SPATA13: variants seen among roughly 807,000 people sequenced by gnomAD.
The protein encoded by SPATA13 is spermatogenesis-associated protein 13.
SPATA13 carries 50 observed loss-of-function variants against 104.0 expected under a neutral mutation model. The observed-to-expected ratio is 0.48, with a 90% CI of 0.38 to 0.61. The LOEUF (loss-of-function observed/expected upper bound fraction) is 0.61, where lower values mean the gene tolerates loss of function less well. Ranked by LOEUF, SPATA13 falls within the 20% of genes least tolerant of loss-of-function variation. The probability of loss-of-function intolerance (pLI) is 0.00; values close to 1 mark genes in which losing one functional copy is unlikely to be tolerated. For synonymous variants in SPATA13, 606 were observed against 667.5 expected (o/e 0.91, Z 1.42); for missense variants, 1,524 against 1,690.6 (o/e 0.90, Z 1.73).
chr13:24,228,839 A>G (rs193129413), intron 2 of SPATA13, among the ~76,000 whole-genome samples: 16 of 152,366 alleles, frequency 1.1e-4, no homozygotes. Context: ...ATTATAATGT[A>G]CTTTCAATAG....
intron 3 of SPATA13, among the ~76,000 whole-genome samples, chr13:24,092,840 G>A (rs1879951885): frequency 6.6e-6 from 1 of 152,202 alleles, no homozygotes; most frequent in South Asian, 2.1e-4. Context: ...ACTCCACTGT[G>A]TGGACTTACT....
Position 24,284,154 on chromosome 13 carries a change from T to C in SPATA13, c.2184T>C (p.Thr728=). The change falls in exon 5 of 13, where the codon ACT becomes ACC. Residue 728 remains threonine (T), a synonymous_variant. Transcript: ENST00000382108. ...TTTTAGTTTCTTCAGATGGAGGTAC[T>C]GAGCCCTCTGCCTTAGTGGATGACA... ...RASNVSSDGG[T]EPSALVDDNG... 1 of 1,613,584 alleles carries C rather than the reference T, an allele frequency of 6.2e-7. No individual in the cohort carries two copies. The highest frequency in any genetic ancestry group is 1.1e-5 in the South Asian group (1 of 91,046).
chr13:23,999,684 C>A (rs1348704542), intron 2 of SPATA13, among the ~76,000 whole-genome samples: 1 of 152,204 alleles, frequency 6.6e-6, no homozygotes, highest in Non-Finnish European at 1.5e-5. Context: ...TTGTTTCTGC[C>A]TCTCAGAGAT....
In SPATA13 at chr13:24,286,088, C is replaced by T; in HGVS notation, c.2302-126C>T. 1 of 902,480 alleles carries T rather than the reference C, an allele frequency of 1.1e-6. No individual in the cohort carries two copies. The highest frequency in any genetic ancestry group is 1.7e-6 in the Non-Finnish European group (1 of 595,868). 55.9% of individuals were successfully genotyped at this position (902,480 alleles called of 1,614,324 possible). A position where few individuals can be genotyped will look rare whatever the true frequency, so the allele number is the denominator to read the frequency against. ...AACCAGTCACATAGTCAGTGTGGAC[C>T]AAATGCCACCAGCATATCCAAGTGA... is the stretch of plus-strand genomic sequence containing the variant. On this transcript the variant is annotated intron_variant, in intron 5 of 12. Transcript: ENST00000382108. The surrounding 1 kb of genome is among the most constrained non-coding windows in gnomAD (Gnocchi z 4.9).
chr13:24,025,588 A>G (rs1877173785), intron 3 of SPATA13, among the ~76,000 whole-genome samples: 1 of 152,206 alleles, frequency 6.6e-6, no homozygotes, highest in African/African-American at 2.4e-5. Flanking sequence ...AAACAGTGGC[A>G]TATACAACTT....
At chr13:24,301,189 AC>A (rs1214198750) in intron 12 of SPATA13, among the ~76,000 whole-genome samples, 22 of 152,152 alleles carry the variant, frequency 1.4e-4, no homozygotes, top group Non-Finnish European at 1.2e-4. Context: ...ATTCTTAGAA[AC>A]TTTATTCCCG....
In SPATA13 at chr13:24,223,883, CAG is replaced by C; in HGVS notation, c.957_958del (p.Arg319SerfsTer10). 1.9e-6 allele frequency: 3 copies of C among 1,551,670 alleles called. No homozygotes were observed. ...RSPIRAKDFDRVFKLVSNVTE... is the reference protein window; with the variant it reads ...RSPIRAKDFDXVFKLVSNVTE... Reference sequence around the variant, plus strand: ...GCCCGATAAGGGCCAAGGACTTTGACAGAGTCTTCAAACTTGTGAGCAATGTG... The same window carrying C: ...GCCCGATAAGGGCCAAGGACTTTGACAGTCTTCAAACTTGTGAGCAATGTG... On this transcript the variant is annotated frameshift_variant, in exon 2 of 13. Transcript: ENST00000382108. LOFTEE classifies it high-confidence loss of function.
At chr13:24,001,694 C>T (rs115711176) in intron 2 of SPATA13, among the ~76,000 whole-genome samples, 2 of 151,614 alleles carry the variant, frequency 1.3e-5, no homozygotes, top group South Asian at 2.1e-4. Context: ...TGGATACTGG[C>T]AGGGATGTTC....
chr13:24,097,774 C>T (rs17456768), intron 3 of SPATA13, among the ~76,000 whole-genome samples: 58,243 of 152,110 alleles, frequency 0.38, 13,301 homozygotes, highest in East Asian at 0.51. Context: ...AGGTATGCAC[C>T]GGAAAGCATG....
chr13:24,156,620 G>C (rs1882262905), upstream of SPATA13, among the ~76,000 whole-genome samples: 1 of 152,200 alleles, frequency 6.6e-6, no homozygotes. Context: ...ATTAGAGAGA[G>C]ATCTGCTCTA....
intron 3 of SPATA13, among the ~76,000 whole-genome samples, chr13:24,142,884 G>A (rs987229992): frequency 6.6e-6 from 1 of 152,176 alleles, no homozygotes; most frequent in African/African-American, 2.4e-5. Context: ...AGGAAAGACT[G>A]GGCTGGTCAT....
chr13:24,155,663 G>C (rs1027374915), intron 3 of SPATA13, among the ~76,000 whole-genome samples: 3 of 152,068 alleles, frequency 2.0e-5, no homozygotes, highest in African/African-American at 7.2e-5. Flanking sequence ...TAGAAAATGG[G>C]ACATTTTTAA....
rs1879793138 is a variant in SPATA13 at position 24,088,121 on chromosome 13, G to A, written c.-112+70420G>A. Among the ~76,000 whole-genome samples the A allele has an allele frequency of 6.6e-6, 1 of 152,184 alleles. No homozygotes were observed. The highest frequency in any genetic ancestry group is 1.5e-5 in the Non-Finnish European group (1 of 68,042). ...GGGGTCACACACTTCTGGACTTGTG[G>A]TCCTCACTCATTAAACGATGGTGGA... On this transcript the variant is annotated intron_variant, in intron 3 of 14. Transcript: ENST00000424834. The surrounding 1 kb of genome is among the most constrained non-coding windows in gnomAD (Gnocchi z 4.3).
chr13:24,153,919 T>C (rs1376781340), intron 3 of SPATA13, among the ~76,000 whole-genome samples: 1 of 152,166 alleles, frequency 6.6e-6, no homozygotes, highest in Non-Finnish European at 1.5e-5. Flanking sequence ...TATCCACCCT[T>C]TATCAAACAA....
intron 4 of SPATA13, among the ~76,000 whole-genome samples, chr13:24,257,160 C>T (rs1027182206): frequency 6.6e-6 from 1 of 152,174 alleles, no homozygotes; most frequent in African/African-American, 2.4e-5. Context: ...TTGAATTTCC[C>T]TTTGTCTCTA....
Position 24,088,781 on chromosome 13 carries a change from T to C in SPATA13, c.-112+71080T>C, listed in dbSNP as rs893441774. On this transcript the variant is annotated intron_variant, in intron 3 of 14. Coordinates refer to the SPATA13 transcript ENST00000424834. The surrounding 1 kb of genome is among the most constrained non-coding windows in gnomAD (Gnocchi z 4.3). Reference sequence around the variant, plus strand: ...GTTCTGAGAGCCAATCTGCCATCATTTAATCAATTAACACCAAAGGCCAGA... The same window carrying C: ...GTTCTGAGAGCCAATCTGCCATCATCTAATCAATTAACACCAAAGGCCAGA... 2.6e-5 allele frequency among the ~76,000 whole-genome samples: 4 copies of C among 152,130 alleles called. No individual in the cohort carries two copies. The highest frequency in any genetic ancestry group is 9.7e-5 in the African/African-American group (4 of 41,422).
intron 4 of SPATA13, among the ~76,000 whole-genome samples, chr13:24,275,383 AT>A (rs1198102317): frequency 6.6e-6 from 1 of 152,186 alleles, no homozygotes; most frequent in Non-Finnish European, 1.5e-5. Context: ...ACTTTATTAC[AT>A]TTTTGGAATT....
intron 3 of SPATA13, among the ~76,000 whole-genome samples, chr13:24,045,536 A>G (rs1033786160): frequency 6.6e-6 from 1 of 152,248 alleles, no homozygotes; most frequent in African/African-American, 2.4e-5. Flanking sequence ...TGTTACAAAC[A>G]TTGTAGAGTA....
At chr13:24,285,348 A>G (rs1875853295) in intron 5 of SPATA13, among the ~76,000 whole-genome samples, 1 of 152,174 alleles carries the variant, frequency 6.6e-6, no homozygotes, top group Non-Finnish European at 1.5e-5. Flanking sequence ...TTCCAATAGC[A>G]TATGTGCATA....
Sources: allele counts gnomAD v4.1 joint callset (sites outside exome capture counted in the v4.1 genomes callset), GRCh38; gene constraint gnomAD v4.1.1; non-coding constraint Gnocchi (gnomAD v3.1); transcripts MANE v1.5; gene names NCBI Gene and HGNC (gene_info 2026-07-23, HGNC 2026-07-21).